The following CACNA2D1 variants were observed in gnomAD, a reference collection of about 807,000 sequenced individuals.
CACNA2D1 encodes the protein voltage-dependent calcium channel subunit alpha-2/delta-1.
Under a neutral mutation model 171.5 loss-of-function variants are expected in CACNA2D1, and 53 were observed. The ratio of observed to expected loss-of-function variants is 0.31; its 90% CI spans 0.25 to 0.39. The LOEUF (loss-of-function observed/expected upper bound fraction) is 0.39. CACNA2D1 is among the 10% of genes least tolerant of loss of function. The pLI, the probability that CACNA2D1 is intolerant of heterozygous loss-of-function variation, is 1.00. For synonymous variants in CACNA2D1, 442 were observed against 443.1 expected (o/e 1.00, Z 0.03); for missense variants, 903 against 1,299.8 (o/e 0.69, Z 4.69).
At chr7:81,967,932 A>T (rs1312428300) in intron 29 of CACNA2D1, among the ~76,000 whole-genome samples, 1 of 151,526 alleles carries the variant, frequency 6.6e-6, no homozygotes, top group Non-Finnish European at 1.5e-5. Flanking sequence ...GAGCCTCATA[A>T]ACTTGAGGTC....
chr7:81,964,014 CTTCT>C (rs756925534), intron 34 of CACNA2D1, 38 bp downstream of exon 34: 24 of 1,532,250 alleles, frequency 1.6e-5, no homozygotes, highest in African/African-American at 2.7e-5. Flanking sequence ...TATTTTACAA[CTTCT>C]TTCTTTCATT....
intron 6 of CACNA2D1, 112 bp downstream of exon 6, chr7:82,116,932 A>T (rs1315850746): frequency 8.5e-7 from 1 of 1,174,830 alleles, no homozygotes; most frequent in African/African-American, 1.5e-5. Context: ...AGACTCTTAT[A>T]TGACAAACAA....
intron 6 of CACNA2D1, among the ~76,000 whole-genome samples, chr7:82,092,540 C>CTTTTTTTTTTTTTT (rs71093360): frequency 9.7e-6 from 1 of 102,702 alleles, no homozygotes; most frequent in African/African-American, 4.5e-5. Flanking sequence ...GCCCAGCTAA[C>CTTTTTTTTTTTTTT]TTTTTTTTTT....
At chr7:82,300,500 G>A (rs1335636217) in intron 3 of CACNA2D1, among the ~76,000 whole-genome samples, 3 of 151,962 alleles carry the variant, frequency 2.0e-5, no homozygotes, top group Non-Finnish European at 4.4e-5. Flanking sequence ...AAAACTAAAG[G>A]TTATCAGAAT....
intron 1 of CACNA2D1, among the ~76,000 whole-genome samples, chr7:82,371,581 ATTATT>A (rs1822417337): frequency 6.6e-6 from 1 of 151,234 alleles, no homozygotes; most frequent in African/African-American, 2.5e-5. Flanking sequence ...ATTTTATTTT[ATTATT>A]ATTATTATTT....
chr7:82,168,829 A>C (rs745424610), intron 4 of CACNA2D1, among the ~76,000 whole-genome samples: 8 of 152,094 alleles, frequency 5.3e-5, no homozygotes, highest in Non-Finnish European at 7.4e-5. Context: ...AATACTACCA[A>C]ATGAATTTAA....
intron 3 of CACNA2D1, among the ~76,000 whole-genome samples, chr7:82,219,019 G>A (rs2129243465): frequency 6.6e-6 from 1 of 152,150 alleles, no homozygotes; most frequent in Middle Eastern, 3.4e-3. Context: ...TATATTCTGT[G>A]ATGCAAGTAT....
chr7:82,218,925 T>C (rs1042328195), intron 3 of CACNA2D1, among the ~76,000 whole-genome samples: 2 of 152,150 alleles, frequency 1.3e-5, no homozygotes, highest in African/African-American at 4.8e-5. Flanking sequence ...TATTAGCCTA[T>C]ATTTAAGAGA....
intron 3 of CACNA2D1, among the ~76,000 whole-genome samples, chr7:82,214,563 C>G (rs1398220462): frequency 6.6e-6 from 1 of 151,926 alleles, no homozygotes; most frequent in Admixed American, 6.6e-5. Flanking sequence ...ACACAATATC[C>G]AACTTGGAAG....
chr7:82,000,831 A>G (rs1353602633), intron 18 of CACNA2D1, among the ~76,000 whole-genome samples: 1 of 87,346 alleles, frequency 1.1e-5, no homozygotes, highest in Non-Finnish European at 2.2e-5. Context: ...GGGTTTCACT[A>G]TGTTGGCCTG....
chr7:82,415,548 A>C (rs1042835165), intron 1 of CACNA2D1, among the ~76,000 whole-genome samples: 69 of 151,588 alleles, frequency 4.6e-4, no homozygotes, highest in Admixed American at 9.2e-4. Context: ...ACAAAAAAAA[A>C]CCCTGAAATT....
At chr7:82,111,426 G>GTTTATATA (rs1788409702) in intron 6 of CACNA2D1, among the ~76,000 whole-genome samples, 1 of 55,794 alleles carries the variant, frequency 1.8e-5, no homozygotes, top group African/African-American at 1.2e-4. Flanking sequence ...GTATATATGT[G>GTTTATATA]TGTATATATA....
At chr7:82,109,197 AATG>A (rs1353786219) in intron 6 of CACNA2D1, among the ~76,000 whole-genome samples, 5 of 152,198 alleles carry the variant, frequency 3.3e-5, no homozygotes, top group African/African-American at 1.2e-4. Flanking sequence ...TATTATATAT[AATG>A]ATGTACTTTC....
intron 3 of CACNA2D1, among the ~76,000 whole-genome samples, chr7:82,214,716 C>G (rs1800928038): frequency 6.6e-6 from 1 of 152,158 alleles, no homozygotes; most frequent in Non-Finnish European, 1.5e-5. Context: ...ACAATGGATT[C>G]TGTTTACAAT....
intron 7 of CACNA2D1, among the ~76,000 whole-genome samples, chr7:82,067,374 C>T (rs926344511): frequency 2.6e-5 from 4 of 152,118 alleles, no homozygotes; most frequent in African/African-American, 7.2e-5. Context: ...ATATGACTTA[C>T]GTTCCCCAAT....
intron 18 of CACNA2D1, among the ~76,000 whole-genome samples, chr7:82,000,701 G>A (rs778661723): frequency 1.6e-4 from 24 of 148,482 alleles, no homozygotes; most frequent in South Asian, 2.2e-4. Flanking sequence ...GGGTCCAAGC[G>A]ATTCTGCCTC....
chr7:82,165,979 T>C (rs922699685), intron 4 of CACNA2D1, among the ~76,000 whole-genome samples: 1 of 151,988 alleles, frequency 6.6e-6, no homozygotes, highest in Admixed American at 6.6e-5. Flanking sequence ...CAAGACCTCA[T>C]ACCAAGTGAC....
chr7:82,136,539 T>C, intron 5 of CACNA2D1, 96 bp downstream of exon 5: 1 of 961,786 alleles, frequency 1.0e-6, no homozygotes, highest in Non-Finnish European at 1.6e-6. Context: ...TAACATTGTC[T>C]TAAAAACTAA....
chr7:82,375,943 A>G (rs1447797366), intron 1 of CACNA2D1, among the ~76,000 whole-genome samples: 2 of 152,136 alleles, frequency 1.3e-5, no homozygotes, highest in South Asian at 2.1e-4. Flanking sequence ...AAACAAGACC[A>G]CGTGTCACTG....
Sources: allele counts gnomAD v4.1 joint callset (sites outside exome capture counted in the v4.1 genomes callset), GRCh38; gene constraint gnomAD v4.1.1; transcripts MANE v1.5; gene names NCBI Gene and HGNC (gene_info 2026-07-23, HGNC 2026-07-21).